The following DOK6 variants were observed in gnomAD, a reference collection of about 807,000 sequenced individuals.
DOK6 encodes the protein downstream of tyrosine kinase 6.
In DOK6, 22 loss-of-function variants were observed where a neutral mutation model predicts 44.0. The ratio of observed to expected loss-of-function variants is 0.50; its 90% CI spans 0.36 to 0.71. The LOEUF is 0.71. Ranked by LOEUF, DOK6 falls within the 30% of genes least tolerant of loss-of-function variation. DOK6 has a pLI of 0.00. For synonymous variants in DOK6, 166 were observed against 145.5 expected (o/e 1.14, Z -1.01); for missense variants, 340 against 416.4 (o/e 0.82, Z 1.60).
intron 6 of DOK6, among the ~76,000 whole-genome samples, chr18:69,754,518 C>T (rs1268774116): frequency 6.6e-6 from 1 of 152,124 alleles, no homozygotes; most frequent in Non-Finnish European, 1.5e-5. Flanking sequence ...TGAGAGTACT[C>T]ATATTAGTTT....
At chr18:69,425,173 G>A (rs1978602637) in intron 1 of DOK6, among the ~76,000 whole-genome samples, 1 of 152,154 alleles carries the variant, frequency 6.6e-6, no homozygotes, top group South Asian at 2.1e-4. Context: ...TGCTGTTGTA[G>A]TCAGAGTAGA....
chr18:69,556,217 C>T (rs1026585273), intron 1 of DOK6, among the ~76,000 whole-genome samples: 2 of 152,188 alleles, frequency 1.3e-5, no homozygotes, highest in Non-Finnish European at 2.9e-5. Flanking sequence ...ACTCCAGCCA[C>T]CTTGTTCTGA....
intron 1 of DOK6, among the ~76,000 whole-genome samples, chr18:69,503,722 TGAA>T (rs1157495539): frequency 6.6e-6 from 1 of 151,964 alleles, no homozygotes; most frequent in Non-Finnish European, 1.5e-5. Context: ...ATTTAGAGCA[TGAA>T]GAAAAAATTT....
Position 69,712,323 on chromosome 18 carries a change from AAAAT to A in DOK6, c.599+13731_599+13734del, listed in dbSNP as rs1263921959. Among the ~76,000 whole-genome samples, 26 of 60,388 alleles carry A rather than the reference AAAAT, an allele frequency of 4.3e-4. 6 individuals carry two copies. The highest frequency in any genetic ancestry group is 1.3e-3 in the East Asian group (2 of 1,594). 39.6% of individuals were successfully genotyped at this position (60,388 alleles called of 152,430 possible). On this transcript the variant is annotated intron_variant, in intron 5 of 7. Coordinates refer to ENST00000382713, the MANE Select transcript of DOK6 (RefSeq NM_152721.6). The stretch of plus-strand genomic sequence containing the variant: ...AAAAAAAAAAAAAAAAAAAAAAAAA[AAAAT>A]TTAACCTTTTCCGAATCACATTTGT...
intron 1 of DOK6, among the ~76,000 whole-genome samples, chr18:69,532,201 C>G (rs1982004520): frequency 6.6e-6 from 1 of 152,174 alleles, no homozygotes; most frequent in Admixed American, 6.5e-5. Flanking sequence ...CTACGGCAGC[C>G]TGAGCTAAGA....
At chr18:69,786,001 A>G (rs1599325047) in intron 7 of DOK6, among the ~76,000 whole-genome samples, 1 of 152,204 alleles carries the variant, frequency 6.6e-6, no homozygotes, top group Non-Finnish European at 1.5e-5. Flanking sequence ...GAATTGGGGA[A>G]GTTATACTAA....
chr18:69,489,438 A>C (rs1193890788), intron 1 of DOK6, among the ~76,000 whole-genome samples: 4 of 152,156 alleles, frequency 2.6e-5, no homozygotes, highest in Non-Finnish European at 5.9e-5. Flanking sequence ...ACTTGCAGTG[A>C]TTTCAAATTA....
intron 1 of DOK6, among the ~76,000 whole-genome samples, chr18:69,516,702 C>A (rs1006349156): frequency 6.6e-6 from 1 of 150,422 alleles, no homozygotes; most frequent in Admixed American, 6.7e-5. Flanking sequence ...TCTTTTGAGG[C>A]GGAGTCTCTG....
chr18:69,525,019 A>G (rs1941123005), intron 1 of DOK6, among the ~76,000 whole-genome samples: 1 of 151,834 alleles, frequency 6.6e-6, no homozygotes, highest in Admixed American at 6.6e-5. Flanking sequence ...TAGTATATAA[A>G]TGAATATAAA....
intron 3 of DOK6, among the ~76,000 whole-genome samples, chr18:69,675,635 T>G (rs1985903694): frequency 6.6e-6 from 1 of 152,098 alleles, no homozygotes; most frequent in African/African-American, 2.4e-5. Context: ...CTGCACGTTG[T>G]GCACATGTAC....
chr18:69,460,901 T>C (rs1979769937), intron 1 of DOK6, among the ~76,000 whole-genome samples: 1 of 152,206 alleles, frequency 6.6e-6, no homozygotes. Context: ...TTCTGCTTCA[T>C]ACTTGGTCTT....
chr18:69,632,189 A>G (rs983115196), intron 3 of DOK6, among the ~76,000 whole-genome samples: 1 of 152,180 alleles, frequency 6.6e-6, no homozygotes, highest in African/African-American at 2.4e-5. Flanking sequence ...GATTTTCTTC[A>G]TTTGTCTTAG....
At chr18:69,787,672 G>A (rs1790939) in intron 7 of DOK6, among the ~76,000 whole-genome samples, 137,651 of 152,082 alleles carry the variant, frequency 0.91, 62,572 homozygotes, top group East Asian at 0.94. Flanking sequence ...TCTAGGGCAC[G>A]CTGCTAAACA....
intron 7 of DOK6, among the ~76,000 whole-genome samples, chr18:69,828,697 A>C (rs1365966140): frequency 6.6e-6 from 1 of 151,118 alleles, no homozygotes; most frequent in Non-Finnish European, 1.5e-5. Flanking sequence ...TTAACCTACC[A>C]GTCTTTTTAT....
At chr18:69,691,544 T>C (rs1252801585) in intron 4 of DOK6, among the ~76,000 whole-genome samples, 1 of 152,092 alleles carries the variant, frequency 6.6e-6, no homozygotes, top group Non-Finnish European at 1.5e-5. Context: ...TCAAGAGAGT[T>C]TGGGGAAGAA....
chr18:69,709,537 A>AT (rs1157014686), intron 5 of DOK6, among the ~76,000 whole-genome samples: 1 of 152,086 alleles, frequency 6.6e-6, no homozygotes, highest in African/African-American at 2.4e-5. Flanking sequence ...TATTTACAAG[A>AT]TTTTTTTCTT....
chr18:69,621,592 G>T (rs1390679589), intron 3 of DOK6, among the ~76,000 whole-genome samples: 1 of 152,160 alleles, frequency 6.6e-6, no homozygotes, highest in Non-Finnish European at 1.5e-5. Context: ...ATAAGCTGGG[G>T]AGTGAGGCCA....
chr18:69,540,608 T>G (rs549440757), intron 1 of DOK6, among the ~76,000 whole-genome samples: 1 of 152,316 alleles, frequency 6.6e-6, no homozygotes, highest in East Asian at 1.9e-4. Flanking sequence ...TTAAGTGTAT[T>G]TCTCGACGTC....
intron 1 of DOK6, among the ~76,000 whole-genome samples, chr18:69,550,826 C>T (rs1402022686): frequency 3.5e-5 from 5 of 144,568 alleles, no homozygotes; most frequent in Non-Finnish European, 6.0e-5. Context: ...CTCCCTCACC[C>T]AGTCTGGAGT....
Sources: allele counts gnomAD v4.1 joint callset (sites outside exome capture counted in the v4.1 genomes callset), GRCh38; gene constraint gnomAD v4.1.1; transcripts MANE v1.5; gene names NCBI Gene and HGNC (gene_info 2026-07-23, HGNC 2026-07-21).